USH2A: variants seen among roughly 807,000 people sequenced by gnomAD.
USH2A encodes the protein usherin, also known as Usher syndrome 2A (autosomal recessive, mild).
In USH2A, 443 loss-of-function variants were observed where a neutral mutation model predicts 538.9. The ratio of observed to expected loss-of-function variants is 0.82; its 90% confidence interval spans 0.76 to 0.89. The LOEUF (loss-of-function observed/expected upper bound fraction) is 0.89, where lower values mean the gene tolerates loss of function less well. USH2A is among the 40% of genes least tolerant of loss of function. The pLI is 0.00. For missense variants in USH2A, 6,633 were observed against 6,324.8 expected (o/e 1.05, Z -1.65); for synonymous variants, 2,413 against 2,273.5 (o/e 1.06, Z -1.75).
intron 3 of USH2A, among the ~76,000 whole-genome samples, chr1:216,375,581 C>A (rs1044580235): frequency 2.6e-5 from 4 of 152,156 alleles, no homozygotes; most frequent in Non-Finnish European, 5.9e-5. Flanking sequence ...GTCTGATCTT[C>A]TATCCAGACC....
chr1:216,050,698 G>A (rs973134503), intron 30 of USH2A, among the ~76,000 whole-genome samples: 9 of 147,414 alleles, frequency 6.1e-5, no homozygotes, highest in Admixed American at 1.4e-4. Context: ...TCTGCCTCCC[G>A]GGTTGGAGCC....
At chr1:216,285,548 A>AC (rs1028246425) in intron 11 of USH2A, among the ~76,000 whole-genome samples, 31 of 151,910 alleles carry the variant, frequency 2.0e-4, no homozygotes, top group Non-Finnish European at 3.5e-4. Context: ...GTGGGGTCAG[A>AC]CCCCCCACAC....
At chr1:215,917,715 G>T (rs936098312) in intron 38 of USH2A, among the ~76,000 whole-genome samples, 1 of 142,408 alleles carries the variant, frequency 7.0e-6, no homozygotes, top group Non-Finnish European at 1.5e-5. Context: ...AGGCTGAGAT[G>T]GGCAGATTGC....
intron 16 of USH2A, among the ~76,000 whole-genome samples, chr1:216,205,457 T>C (rs1378265616): frequency 6.6e-6 from 1 of 152,148 alleles, no homozygotes; most frequent in African/African-American, 2.4e-5. Context: ...TGAAGAGACA[T>C]GTAGAGCCAA....
intron 21 of USH2A, among the ~76,000 whole-genome samples, chr1:216,133,877 T>G (rs534195780): frequency 2.0e-5 from 3 of 152,142 alleles, no homozygotes; most frequent in Non-Finnish European, 2.9e-5. Context: ...TTTAGTAAAC[T>G]CACTGATAGC....
intron 11 of USH2A, among the ~76,000 whole-genome samples, chr1:216,263,078 G>C (rs2036406043): frequency 6.6e-6 from 1 of 152,076 alleles, no homozygotes; most frequent in Non-Finnish European, 1.5e-5. Context: ...ATTGAACCAA[G>C]GAGGAATAGA....
intron 3 of USH2A, among the ~76,000 whole-genome samples, chr1:216,408,106 C>T (rs185685346): frequency 7.2e-5 from 11 of 152,126 alleles, no homozygotes; most frequent in Non-Finnish European, 1.5e-5. Flanking sequence ...TTATTAATTG[C>T]TAATTCTTCT....
At chr1:215,905,075 GATTT>G (rs1290371365) in intron 38 of USH2A, among the ~76,000 whole-genome samples, 1 of 151,976 alleles carries the variant, frequency 6.6e-6, no homozygotes, top group African/African-American at 2.4e-5. Context: ...AATATAAAAT[GATTT>G]ATTTACACAT....
At chr1:216,344,066 T>G (rs1037021129) in intron 4 of USH2A, among the ~76,000 whole-genome samples, 1 of 152,076 alleles carries the variant, frequency 6.6e-6, no homozygotes, top group Non-Finnish European at 1.5e-5. Flanking sequence ...TTTTAAGATG[T>G]TCTTAGATAC....
rs1243004653 is a variant in USH2A at position 215,844,421 on chromosome 1, G to A, written c.9131C>T (p.Ser3044Leu). Residue 3044 changes from serine (S) to leucine (L), a missense_variant, in exon 46 of 72, where the codon TCA becomes TTA. Ser to Leu is a moderately radical substitution (Grantham distance 145). Transcript: ENST00000307340. ...TAVRVIWTSP[S>L]NPNGVVTEYS... ...CTCAGTGACAACACCATTTGGGTTT[G>A]AAGGAGATGTCCAGATGACACGTAC... The A allele has an allele frequency of 6.2e-7, 1 of 1,613,452 alleles. No homozygotes were observed. Among genetic ancestry groups the A allele is most frequent in the Non-Finnish European group, 8.5e-7 (1 of 1,179,896 alleles).
chr1:216,255,824 A>G (rs886132740), intron 11 of USH2A, among the ~76,000 whole-genome samples: 3 of 152,094 alleles, frequency 2.0e-5, no homozygotes, highest in African/African-American at 4.8e-5. Flanking sequence ...AGAGAAGGGT[A>G]TTGAAATTTT....
At chr1:216,205,545 A>G (rs980465577) in intron 16 of USH2A, among the ~76,000 whole-genome samples, 8 of 152,224 alleles carry the variant, frequency 5.3e-5, no homozygotes, top group Admixed American at 6.5e-5. Flanking sequence ...TAATGCATAC[A>G]AAATAAAACT....
chr1:216,361,607 A>T (rs1360795473), intron 4 of USH2A, among the ~76,000 whole-genome samples: 3 of 152,176 alleles, frequency 2.0e-5, no homozygotes, highest in African/African-American at 4.8e-5. Flanking sequence ...CCAAAAAAGC[A>T]TATTCATTTG....
At chr1:215,704,798 AT>A (rs1659137681) in intron 61 of USH2A, among the ~76,000 whole-genome samples, 1 of 152,092 alleles carries the variant, frequency 6.6e-6, no homozygotes, top group Non-Finnish European at 1.5e-5. Context: ...TGTCATCTCC[AT>A]TTGGAAGAGT....
intron 9 of USH2A, among the ~76,000 whole-genome samples, chr1:216,312,735 C>A (rs192935757): frequency 1.3e-5 from 2 of 152,068 alleles, no homozygotes; most frequent in African/African-American, 4.8e-5. Flanking sequence ...TCATCAGAGC[C>A]GCTTTAAGTT....
At chr1:215,670,853 T>C in intron 64 of USH2A, 119 bp downstream of exon 64, 1 of 1,008,812 alleles carries the variant, frequency 9.9e-7, no homozygotes. Flanking sequence ...GGAATATTAT[T>C]ATTCTCCTTA....
chr1:216,149,721 C>T (rs1323623873), intron 21 of USH2A, among the ~76,000 whole-genome samples: 3 of 152,136 alleles, frequency 2.0e-5, no homozygotes, highest in Non-Finnish European at 4.4e-5. Context: ...CTTGCCTACT[C>T]CAGATCCCCA....
chr1:215,653,031 G>A (rs1657129526), intron 64 of USH2A, among the ~76,000 whole-genome samples: 2 of 152,164 alleles, frequency 1.3e-5, no homozygotes, highest in African/African-American at 4.8e-5. Flanking sequence ...GATGAAATAA[G>A]CATAATTCAT....
intron 55 of USH2A, among the ~76,000 whole-genome samples, chr1:215,773,460 T>C (rs1203206883): frequency 6.6e-6 from 1 of 150,598 alleles, no homozygotes; most frequent in African/African-American, 2.5e-5. Flanking sequence ...GTCCGCTGCC[T>C]CCCCACTTTA....
Sources: gnomAD v4.1 joint callset for allele counts (sites outside exome capture counted in the v4.1 genomes callset) on GRCh38, gnomAD v4.1.1 for gene constraint, MANE v1.5 for transcripts, NCBI Gene and HGNC (gene_info 2026-07-23, HGNC 2026-07-21) for gene names.